SLC9B1: variants seen among roughly 807,000 people sequenced by gnomAD.
The protein encoded by SLC9B1 is solute carrier family 9 member B1, also known as sodium/hydrogen exchanger 9B1.
In SLC9B1, 32 loss-of-function variants were observed where a neutral mutation model predicts 51.7. The ratio of observed to expected loss-of-function variants is 0.62; its 90% CI spans 0.47 to 0.83. The LOEUF (loss-of-function observed/expected upper bound fraction) is 0.83. SLC9B1 is among the 40% of genes least tolerant of loss of function. The pLI, the probability that SLC9B1 is intolerant of heterozygous loss-of-function variation, is 0.00. For missense variants in SLC9B1, 406 were observed against 613.2 expected (o/e 0.66, Z 3.57); for synonymous variants, 145 against 212.7 (o/e 0.68, Z 2.77).
At chr4:103,006,404 T>C (rs143289393) in intron 1 of SLC9B1, among the ~76,000 whole-genome samples, 1 of 152,176 alleles carries the variant, frequency 6.6e-6, no homozygotes, top group East Asian at 1.9e-4. Context: ...AAGAAATGGG[T>C]AAATTTCTGG....
intron 9 of SLC9B1, among the ~76,000 whole-genome samples, chr4:102,910,006 G>T (rs1474704053): frequency 6.6e-6 from 1 of 151,986 alleles, no homozygotes; most frequent in African/African-American, 2.4e-5. Flanking sequence ...GTAGAGATGG[G>T]GTTTCACCAT....
chr4:102,977,721 G>A (rs1350147126), intron 3 of SLC9B1, among the ~76,000 whole-genome samples: 1 of 152,102 alleles, frequency 6.6e-6, no homozygotes, highest in Non-Finnish European at 1.5e-5. Context: ...CCAGCTGGGT[G>A]CAGTATATGG....
chr4:102,983,726 G>A (rs1739474973), intron 3 of SLC9B1, among the ~76,000 whole-genome samples: 2 of 152,074 alleles, frequency 1.3e-5, no homozygotes, highest in Admixed American at 1.3e-4. Context: ...CTGTAGCAAT[G>A]TCTTCTCTTT....
intron 9 of SLC9B1, among the ~76,000 whole-genome samples, chr4:102,910,067 C>T (rs929136553): frequency 2.6e-5 from 4 of 152,076 alleles, no homozygotes; most frequent in African/African-American, 7.2e-5. Flanking sequence ...TGTCCGCCTC[C>T]ACCTCCCAAA....
chr4:102,928,077 G>A (rs984843351), intron 7 of SLC9B1, among the ~76,000 whole-genome samples: 5 of 151,912 alleles, frequency 3.3e-5, no homozygotes, highest in African/African-American at 4.8e-5. Context: ...GGCCTGTCGG[G>A]GGGTGGAGGG....
At chr4:102,993,237 G>A (rs1226726971) in intron 1 of SLC9B1, among the ~76,000 whole-genome samples, 1 of 152,170 alleles carries the variant, frequency 6.6e-6, no homozygotes, top group Non-Finnish European at 1.5e-5. Flanking sequence ...TTCTGCCTAT[G>A]AGCCTATAAA....
At chr4:103,018,833 A>G (rs1417845557) in intron 1 of SLC9B1, among the ~76,000 whole-genome samples, 1 of 152,330 alleles carries the variant, frequency 6.6e-6, no homozygotes, top group African/African-American at 2.4e-5. Flanking sequence ...GTGGCCTATT[A>G]GGAACAGGCC....
At chr4:102,917,686 A>T (rs1735650956) in intron 7 of SLC9B1, among the ~76,000 whole-genome samples, 2 of 152,294 alleles carry the variant, frequency 1.3e-5, no homozygotes, top group South Asian at 2.1e-4. Flanking sequence ...AAGAAGAAAG[A>T]TCTAAAATAA....
chr4:103,015,365 G>A (rs369896675), intron 1 of SLC9B1, among the ~76,000 whole-genome samples: 2 of 151,448 alleles, frequency 1.3e-5, no homozygotes, highest in East Asian at 3.9e-4. Context: ...GAGTAATGCT[G>A]TGAACTGTTT....
chr4:102,975,188 T>C (rs1738987350), intron 3 of SLC9B1, among the ~76,000 whole-genome samples: 1 of 152,072 alleles, frequency 6.6e-6, no homozygotes, highest in Non-Finnish European at 1.5e-5. Context: ...AGTTTTTATT[T>C]TGTAGAGATG....
At chr4:102,889,397 T>C (rs954487753) in intron 11 of SLC9B1, 1 of 152,228 alleles carries the variant, frequency 6.6e-6, no homozygotes, top group African/African-American at 2.4e-5. Context: ...TCTGTGTTCA[T>C]GAAATGCTCT....
intron 3 of SLC9B1, among the ~76,000 whole-genome samples, chr4:102,967,600 C>G (rs1429888928): frequency 6.6e-6 from 1 of 152,102 alleles, no homozygotes; most frequent in African/African-American, 2.4e-5. Context: ...CGTATAGCAA[C>G]TCATTCTCAT....
At chr4:102,921,364 G>A (rs1375361611) in intron 7 of SLC9B1, among the ~76,000 whole-genome samples, 1 of 152,174 alleles carries the variant, frequency 6.6e-6, no homozygotes, top group Non-Finnish European at 1.5e-5. Flanking sequence ...CAAATGCTGA[G>A]AGATTTTGTC....
intron 7 of SLC9B1, among the ~76,000 whole-genome samples, chr4:102,921,423 G>A (rs1735871801): frequency 6.6e-6 from 1 of 152,126 alleles, no homozygotes; most frequent in Non-Finnish European, 1.5e-5. Flanking sequence ...ACTAAACATG[G>A]AAAGAAACAC....
chr4:102,993,436 C>T (rs1016973399), intron 1 of SLC9B1, among the ~76,000 whole-genome samples: 13 of 152,230 alleles, frequency 8.5e-5, no homozygotes, highest in Admixed American at 2.0e-4. Flanking sequence ...GAGGTGGGCT[C>T]CCATGGCCTT....
intron 6 of SLC9B1, among the ~76,000 whole-genome samples, chr4:102,935,320 C>A (rs1736667011): frequency 6.6e-6 from 1 of 151,936 alleles, no homozygotes; most frequent in South Asian, 2.1e-4. Flanking sequence ...GATGTGAAAA[C>A]ATTATAAAAT....
At chr4:102,958,810 C>T (rs1254552081) in intron 3 of SLC9B1, among the ~76,000 whole-genome samples, 1 of 151,968 alleles carries the variant, frequency 6.6e-6, no homozygotes, top group African/African-American at 2.4e-5. Context: ...GTAGTCCCAG[C>T]TACTTGGGAG....
intron 11 of SLC9B1, among the ~76,000 whole-genome samples, chr4:102,902,035 T>TATCTG (rs1734814804): frequency 6.6e-6 from 1 of 152,204 alleles, no homozygotes; most frequent in Non-Finnish European, 1.5e-5. Flanking sequence ...TCTCCCTCAC[T>TATCTG]CCTCATGCCC....
At chr4:102,902,414 G>A (rs748071259) in intron 11 of SLC9B1, among the ~76,000 whole-genome samples, 21 of 152,142 alleles carry the variant, frequency 1.4e-4, no homozygotes, top group South Asian at 4.1e-4. Flanking sequence ...TGTACTGAAC[G>A]TGAGCCAGTG....
Sources: allele counts gnomAD v4.1 joint callset (sites outside exome capture counted in the v4.1 genomes callset), GRCh38; gene constraint gnomAD v4.1.1; transcripts MANE v1.5; gene names NCBI Gene and HGNC (gene_info 2026-07-23, HGNC 2026-07-21).